Variants in COL5A2 observed in about 807,000 individuals in gnomAD.
The protein encoded by COL5A2 is collagen alpha-2(V) chain.
A neutral mutation model predicts 208.2 loss-of-function variants in COL5A2; 23 were observed. That is an observed-to-expected ratio of 0.11 (90% confidence interval 0.08 to 0.16). The LOEUF is 0.16. Among genes scored for constraint, COL5A2 ranks in the 10% least tolerant of loss-of-function variants. The pLI is 1.00. For missense variants in COL5A2, 1,590 were observed against 1,956.4 expected (o/e 0.81, Z 3.53); for synonymous variants, 625 against 628.5 (o/e 0.99, Z 0.08).
chr2:189,220,177 A>C (rs985832065), intron 1 of COL5A2, among the ~76,000 whole-genome samples: 2 of 152,174 alleles, frequency 1.3e-5, no homozygotes, highest in African/African-American at 4.8e-5. Context: ...CTGGACAACA[A>C]GACTTTTCTT....
the COL5A2 span, among the ~76,000 whole-genome samples, chr2:189,376,121 T>C: frequency 8.9e-4 from 136 of 152,356 alleles, 3 homozygotes; most frequent in Middle Eastern, 0.014. Flanking sequence ...TGAATACTTG[T>C]GCATTAAATT....
chr2:189,239,625 G>T, the COL5A2 span, among the ~76,000 whole-genome samples: 367 of 116,016 alleles, frequency 3.2e-3, 1 homozygote, highest in African/African-American at 0.011. Flanking sequence ...GTTGTGGGGT[G>T]GGGGGAGGGG....
intron 1 of COL5A2, among the ~76,000 whole-genome samples, chr2:189,153,792 T>C (rs1023969178): frequency 6.6e-6 from 1 of 152,018 alleles, no homozygotes; most frequent in African/African-American, 2.4e-5. Flanking sequence ...TCACATCCCT[T>C]TTGGTTGTTC....
chr2:189,040,060 T>G (rs967846845), intron 50 of COL5A2, among the ~76,000 whole-genome samples: 2 of 152,162 alleles, frequency 1.3e-5, no homozygotes, highest in Non-Finnish European at 2.9e-5. Flanking sequence ...TACTCCTACT[T>G]CTAAAAGAGA....
chr2:189,045,770 C>T (rs771264140), intron 46 of COL5A2, 30 bp downstream of exon 46: 1 of 1,574,090 alleles, frequency 6.4e-7, no homozygotes. Flanking sequence ...GTGTGCAAAA[C>T]TGTCAGTGTG....
chr2:189,354,534 C>A, the COL5A2 span, among the ~76,000 whole-genome samples: 5 of 152,096 alleles, frequency 3.3e-5, no homozygotes, highest in Non-Finnish European at 5.9e-5. Context: ...GGAATTTATC[C>A]ATTTCTTCTA....
chr2:189,289,187 C>A, the COL5A2 span, among the ~76,000 whole-genome samples: 1 of 151,802 alleles, frequency 6.6e-6, no homozygotes, highest in African/African-American at 2.4e-5. Context: ...ACTAAAAATA[C>A]AAAAATTAGC....
chr2:189,208,264 G>A (rs931080998), intron 1 of COL5A2, among the ~76,000 whole-genome samples: 2 of 152,120 alleles, frequency 1.3e-5, no homozygotes, highest in Admixed American at 1.3e-4. Flanking sequence ...AGGAACCAAG[G>A]ATGTTTTGTT....
intron 1 of COL5A2, among the ~76,000 whole-genome samples, chr2:189,162,388 T>G (rs1182157396): frequency 2.0e-5 from 3 of 152,168 alleles, no homozygotes; most frequent in Admixed American, 6.5e-5. Context: ...AGTTGAAATC[T>G]CCATCATTTG....
chr2:189,074,234 C>T (rs13421823), intron 17 of COL5A2, among the ~76,000 whole-genome samples: 23,321 of 151,944 alleles, frequency 0.15, 1,774 homozygotes, highest in Middle Eastern at 0.2. Flanking sequence ...TGATCTCACA[C>T]TAATTATTAC....
chr2:189,189,044 T>A (rs985739288), intron 1 of COL5A2, among the ~76,000 whole-genome samples: 23 of 152,216 alleles, frequency 1.5e-4, no homozygotes, highest in Non-Finnish European at 2.9e-5. Flanking sequence ...GGAGTTTTTT[T>A]ATAAATTGGC....
chr2:189,374,755 G>A, the COL5A2 span, among the ~76,000 whole-genome samples: 13 of 152,084 alleles, frequency 8.5e-5, no homozygotes, highest in Non-Finnish European at 1.5e-4. Context: ...ATGCCTTCAG[G>A]TTAAAGGAAA....
chr2:189,324,898 C>A, the COL5A2 span, among the ~76,000 whole-genome samples: 1 of 152,098 alleles, frequency 6.6e-6, no homozygotes, highest in Non-Finnish European at 1.5e-5. Flanking sequence ...CTCACAATAG[C>A]AAAGACTTGG....
At chr2:189,097,147 T>C (rs1686935202) in intron 6 of COL5A2, 130 bp downstream of exon 6, 2 of 777,450 alleles carry the variant, frequency 2.6e-6, no homozygotes, top group Admixed American at 2.1e-5. Flanking sequence ...ATACAATTAT[T>C]ATTGTATTTT....
At chr2:189,047,540 T>A (rs1390318363) in intron 45 of COL5A2, among the ~76,000 whole-genome samples, 1 of 152,178 alleles carries the variant, frequency 6.6e-6, no homozygotes, top group East Asian at 1.9e-4. Flanking sequence ...GTTCAGAAAA[T>A]CTGCTTAAGA....
intron 1 of COL5A2, among the ~76,000 whole-genome samples, chr2:189,112,097 T>A (rs1687294945): frequency 6.6e-6 from 1 of 152,092 alleles, no homozygotes; most frequent in Non-Finnish European, 1.5e-5. Flanking sequence ...CCTCAAGTGA[T>A]CCACCCACCT....
At chr2:189,380,688 C>T in the COL5A2 span, among the ~76,000 whole-genome samples, 2,617 of 151,672 alleles carry the variant, frequency 0.017, 75 homozygotes, top group African/African-American at 0.059. Flanking sequence ...CACCCATTCA[C>T]GGAGAAAATA....
the COL5A2 span, among the ~76,000 whole-genome samples, chr2:189,353,979 C>T: frequency 6.6e-6 from 1 of 152,078 alleles, no homozygotes; most frequent in Non-Finnish European, 1.5e-5. Context: ...AGTTTATTGA[C>T]AGTTCTTAGA....
At chr2:189,254,292 GA>G in the COL5A2 span, among the ~76,000 whole-genome samples, 76,963 of 152,044 alleles carry the variant, frequency 0.51, 20,833 homozygotes, top group East Asian at 0.72. Context: ...TGTTTATCCT[GA>G]TTGAGTCACA....
Sources: allele counts gnomAD v4.1 joint callset (sites outside exome capture counted in the v4.1 genomes callset), GRCh38; gene constraint gnomAD v4.1.1; transcripts MANE v1.5; gene names NCBI Gene and HGNC (gene_info 2026-07-23, HGNC 2026-07-21).